Variants in TOP6BL observed in about 807,000 individuals in gnomAD.
TOP6BL encodes type 2 DNA topoisomerase 6 subunit B-like.
chr11:66,759,057 A>G, the TOP6BL span: 1 of 1,572,066 alleles, frequency 6.4e-7, no homozygotes, highest in Non-Finnish European at 8.7e-7. Context: ...TTCTGCAGGA[A>G]GCCTTTTTGG....
At chr11:66,783,330 A>G in the TOP6BL span, among the ~76,000 whole-genome samples, 1 of 152,292 alleles carries the variant, frequency 6.6e-6, no homozygotes, top group South Asian at 2.1e-4. Flanking sequence ...CCCACTGCAC[A>G]TAGCCTGGGC....
chr11:66,841,963 G>A, the TOP6BL span, among the ~76,000 whole-genome samples: 4 of 152,164 alleles, frequency 2.6e-5, no homozygotes, highest in Admixed American at 6.5e-5. Context: ...CTGTAATACC[G>A]TCACTTTGGG....
At chr11:66,758,996 A>G in the TOP6BL span, 1 of 1,372,090 alleles carries the variant, frequency 7.3e-7, no homozygotes, top group African/African-American at 1.4e-5. Flanking sequence ...TTTCAATAGA[A>G]TGCATTTACT....
chr11:66,800,064 C>CAA, the TOP6BL span, among the ~76,000 whole-genome samples: 121 of 107,656 alleles, frequency 1.1e-3, 5 homozygotes, highest in Middle Eastern at 4.8e-3. Context: ...GACCCTGTCT[C>CAA]AAAAAAAAAA....
the TOP6BL span, chr11:66,828,307 A>G: frequency 6.2e-7 from 1 of 1,613,902 alleles, no homozygotes. Flanking sequence ...TGCACAAAGT[A>G]TTTCGTGAGA....
the TOP6BL span, among the ~76,000 whole-genome samples, chr11:66,760,625 CAAAAAAAAAAAAAAAAA>C: frequency 7.4e-5 from 4 of 54,146 alleles, no homozygotes; most frequent in Non-Finnish European, 1.2e-4. Context: ...CCCATCTTTA[CAAAAAAAAAAAAAAAAA>C]AAAAAAAAAA....
chr11:66,749,682 C>T, the TOP6BL span, among the ~76,000 whole-genome samples: 2 of 152,060 alleles, frequency 1.3e-5, no homozygotes, highest in African/African-American at 4.8e-5. Context: ...CTGCCTCAGC[C>T]TCCTGAGTAG....
the TOP6BL span, among the ~76,000 whole-genome samples, chr11:66,835,237 G>A: frequency 6.6e-6 from 1 of 151,598 alleles, no homozygotes; most frequent in Non-Finnish European, 1.5e-5. Flanking sequence ...TCTATGACAC[G>A]AGATTTTCCA....
the TOP6BL span, among the ~76,000 whole-genome samples, chr11:66,772,075 C>T: frequency 2.6e-5 from 4 of 152,038 alleles, no homozygotes; most frequent in Non-Finnish European, 4.4e-5. Flanking sequence ...AAAACATCAA[C>T]GTTAACAGGA....
chr11:66,783,911 T>C, the TOP6BL span, among the ~76,000 whole-genome samples: 1 of 152,194 alleles, frequency 6.6e-6, no homozygotes, highest in Non-Finnish European at 1.5e-5. Context: ...CTGCAGCCTC[T>C]ACCTCCTGGC....
the TOP6BL span, chr11:66,822,456 A>G: frequency 1.5e-6 from 1 of 678,692 alleles, no homozygotes; most frequent in South Asian, 1.8e-5. Flanking sequence ...GATGGATAGG[A>G]AGAATTGTTG....
At chr11:66,760,100 A>G in the TOP6BL span, among the ~76,000 whole-genome samples, 1 of 152,216 alleles carries the variant, frequency 6.6e-6, no homozygotes, top group Non-Finnish European at 1.5e-5. Flanking sequence ...ACTTTCCCAG[A>G]CTAAATCTGG....
the TOP6BL span, among the ~76,000 whole-genome samples, chr11:66,814,794 C>T: frequency 6.6e-6 from 1 of 152,152 alleles, no homozygotes; most frequent in African/African-American, 2.4e-5. Flanking sequence ...AAAGTTAAAA[C>T]GCATACAAAT....
chr11:66,823,590 G>A, the TOP6BL span, among the ~76,000 whole-genome samples: 5 of 152,174 alleles, frequency 3.3e-5, no homozygotes, highest in East Asian at 7.8e-4. Flanking sequence ...GGAGGCTGAG[G>A]CGGTGGATTG....
chr11:66,778,744 G>A, the TOP6BL span, among the ~76,000 whole-genome samples: 4 of 152,050 alleles, frequency 2.6e-5, no homozygotes, highest in African/African-American at 4.8e-5. Flanking sequence ...GAGGCATCAC[G>A]CTACCTGACT....
chr11:66,778,093 C>CT, the TOP6BL span, among the ~76,000 whole-genome samples: 2,195 of 137,258 alleles, frequency 0.016, 23 homozygotes, highest in Non-Finnish European at 0.022. Flanking sequence ...TCTTTTCTTT[C>CT]TTTTTTTTTT....
chr11:66,774,144 TTTTTA>T, the TOP6BL span, among the ~76,000 whole-genome samples: 32 of 152,328 alleles, frequency 2.1e-4, no homozygotes, highest in South Asian at 2.1e-3. Context: ...ATGGAGTTTA[TTTTTA>T]TTTTATTTAT....
the TOP6BL span, among the ~76,000 whole-genome samples, chr11:66,772,752 T>C: frequency 6.6e-6 from 1 of 152,194 alleles, no homozygotes; most frequent in South Asian, 2.1e-4. Flanking sequence ...CCTGTATTGT[T>C]AGATTTGATT....
the TOP6BL span, among the ~76,000 whole-genome samples, chr11:66,773,576 C>T: frequency 6.6e-6 from 1 of 151,992 alleles, no homozygotes; most frequent in Admixed American, 6.6e-5. Context: ...CCAGGTTCTT[C>T]CTGTTGTTCT....
Sources: allele counts gnomAD v4.1 joint callset (sites outside exome capture counted in the v4.1 genomes callset), GRCh38; gene constraint gnomAD v4.1.1; transcripts MANE v1.5; gene names NCBI Gene and HGNC (gene_info 2026-07-23, HGNC 2026-07-21).